Variants in CNTN5 observed in about 807,000 individuals in gnomAD.
CNTN5 encodes contactin-5.
A neutral mutation model predicts 129.1 loss-of-function variants in CNTN5; 77 were observed. That is an observed-to-expected ratio of 0.60 (90% confidence interval 0.50 to 0.72). CNTN5 has a LOEUF of 0.72. CNTN5 is among the 30% of genes least tolerant of loss of function. The pLI is 0.00. For synonymous variants in CNTN5, 509 were observed against 465.6 expected (o/e 1.09, Z -1.20); for missense variants, 1,478 against 1,328.8 (o/e 1.11, Z -1.75).
At chr11:99,586,517 T>G (rs1949799338) in intron 3 of CNTN5, among the ~76,000 whole-genome samples, 1 of 152,212 alleles carries the variant, frequency 6.6e-6, no homozygotes, top group Non-Finnish European at 1.5e-5. Context: ...GCCCGCAGTC[T>G]TTGCCTTATC....
At chr11:99,071,669 A>C (rs1248492736) in intron 1 of CNTN5, among the ~76,000 whole-genome samples, 4 of 152,098 alleles carry the variant, frequency 2.6e-5, no homozygotes, top group Non-Finnish European at 4.4e-5. Flanking sequence ...TTATATTTTT[A>C]TTTTTACTTC....
intron 13 of CNTN5, among the ~76,000 whole-genome samples, chr11:100,147,735 A>AT: frequency 6.8e-6 from 1 of 147,948 alleles, no homozygotes; most frequent in South Asian, 2.2e-4. Flanking sequence ...GACTAATAGG[A>AT]TTTGGGGTGC....
At chr11:99,480,817 A>G (rs987010846) in intron 2 of CNTN5, among the ~76,000 whole-genome samples, 1 of 152,168 alleles carries the variant, frequency 6.6e-6, no homozygotes, top group Admixed American at 6.5e-5. Context: ...GGCTTACCTA[A>G]CTAATGATCA....
At chr11:99,820,284 C>T (rs573716034) in intron 4 of CNTN5, among the ~76,000 whole-genome samples, 1 of 152,284 alleles carries the variant, frequency 6.6e-6, no homozygotes. Context: ...TTTGGAAGGC[C>T]AATTTGACAG....
At chr11:99,951,912 A>G (rs1388857555) in intron 7 of CNTN5, among the ~76,000 whole-genome samples, 1 of 152,224 alleles carries the variant, frequency 6.6e-6, no homozygotes, top group Non-Finnish European at 1.5e-5. Flanking sequence ...TAAATAGATT[A>G]TAGATACATT....
intron 1 of CNTN5, among the ~76,000 whole-genome samples, chr11:99,321,307 C>A (rs193230149): frequency 6.6e-6 from 1 of 150,496 alleles, no homozygotes; most frequent in East Asian, 1.9e-4. Context: ...CTGACTAATA[C>A]AGAAAGGAGA....
chr11:100,196,099 A>G (rs1181292249), intron 15 of CNTN5, among the ~76,000 whole-genome samples: 1 of 151,844 alleles, frequency 6.6e-6, no homozygotes, highest in African/African-American at 2.4e-5. Context: ...AGGATCTCCT[A>G]AGGTGTCTAA....
chr11:99,531,053 A>T (rs71474525), intron 2 of CNTN5, among the ~76,000 whole-genome samples: 38,535 of 152,110 alleles, frequency 0.25, 5,249 homozygotes, highest in Non-Finnish European at 0.31. Context: ...AAGGCTCAGA[A>T]GAAGACAGGA....
chr11:99,412,766 C>G (rs753426852), intron 2 of CNTN5, among the ~76,000 whole-genome samples: 5 of 152,162 alleles, frequency 3.3e-5, no homozygotes, highest in Non-Finnish European at 5.9e-5. Flanking sequence ...ATCACTTGCT[C>G]TCTTTATGGA....
At chr11:99,544,492 A>G (rs1263944160) in intron 2 of CNTN5, among the ~76,000 whole-genome samples, 2 of 152,228 alleles carry the variant, frequency 1.3e-5, no homozygotes, top group Non-Finnish European at 2.9e-5. Flanking sequence ...ATCTGCTTGA[A>G]GAACTGAGTC....
chr11:99,865,034 T>C (rs1239222829), intron 6 of CNTN5, among the ~76,000 whole-genome samples: 1 of 152,210 alleles, frequency 6.6e-6, no homozygotes. Context: ...TGCCTTAATC[T>C]ATGTAACAAA....
At chr11:99,582,363 A>G (rs1168108736) in intron 3 of CNTN5, among the ~76,000 whole-genome samples, 2 of 152,036 alleles carry the variant, frequency 1.3e-5, no homozygotes, top group Non-Finnish European at 2.9e-5. Context: ...CTGAATTTGA[A>G]TGTTGGCCTG....
At chr11:99,664,602 C>T (rs1413490382) in intron 3 of CNTN5, among the ~76,000 whole-genome samples, 1 of 152,104 alleles carries the variant, frequency 6.6e-6, no homozygotes, top group African/African-American at 2.4e-5. Context: ...TTATAATTTT[C>T]TCTAATATTA....
intron 1 of CNTN5, among the ~76,000 whole-genome samples, chr11:99,158,065 C>T (rs190504765): frequency 1.3e-5 from 2 of 152,240 alleles, no homozygotes; most frequent in Admixed American, 1.3e-4. Flanking sequence ...TGTATCTAGA[C>T]AGTGACTAGG....
chr11:99,270,131 A>G (rs1863105686), intron 1 of CNTN5, among the ~76,000 whole-genome samples: 1 of 151,736 alleles, frequency 6.6e-6, no homozygotes, highest in African/African-American at 2.4e-5. Flanking sequence ...ACACTGTTCC[A>G]TATTTTTGTG....
At chr11:100,102,306 C>T (rs1267266058) in intron 13 of CNTN5, among the ~76,000 whole-genome samples, 1 of 151,632 alleles carries the variant, frequency 6.6e-6, no homozygotes, top group African/African-American at 2.4e-5. Flanking sequence ...TTTACATTTC[C>T]CTGATAATTG....
At chr11:99,776,212 A>T (rs1945118179) in intron 3 of CNTN5, among the ~76,000 whole-genome samples, 1 of 151,942 alleles carries the variant, frequency 6.6e-6, no homozygotes, top group Non-Finnish European at 1.5e-5. Context: ...AGAGCATGTG[A>T]CTAACTATAT....
rs1306461011 is a variant in CNTN5, at chr11:99,826,631, CAT to C, written c.277+6867_277+6868del. On this transcript the variant is annotated intron_variant, in intron 4 of 24. Transcript: ENST00000524871. ...GAAGTACATTATAGATAAAAGAAATCATGTGTTCAATGGCAAAGGGGTAAGAG... is the reference window on the plus strand; with the variant it reads ...GAAGTACATTATAGATAAAAGAAATCGTGTTCAATGGCAAAGGGGTAAGAG... Among the ~76,000 whole-genome samples, 4 of 152,234 alleles carry C rather than the reference CAT, an allele frequency of 2.6e-5. No homozygotes were observed. The East Asian group carries it at 5.8e-4, about 22-fold the overall frequency.
At chr11:100,030,797 A>G (rs2137612824) in intron 9 of CNTN5, among the ~76,000 whole-genome samples, 1 of 152,336 alleles carries the variant, frequency 6.6e-6, no homozygotes, top group East Asian at 1.9e-4. Flanking sequence ...ATTAAATGAT[A>G]TATCAGATAA....
Sources: allele counts gnomAD v4.1 joint callset (sites outside exome capture counted in the v4.1 genomes callset), GRCh38; gene constraint gnomAD v4.1.1; transcripts MANE v1.5; gene names NCBI Gene and HGNC (gene_info 2026-07-23, HGNC 2026-07-21).